The following FAM110B variants were observed in gnomAD, a reference collection of about 807,000 sequenced individuals.
The protein encoded by FAM110B is protein FAM110B.
FAM110B carries 6 observed loss-of-function variants against 20.4 expected under a neutral mutation model. The ratio of observed to expected loss-of-function variants is 0.29; its 90% CI spans 0.16 to 0.58. FAM110B has a LOEUF of 0.58. Ranked by LOEUF, FAM110B falls within the 20% of genes least tolerant of loss-of-function variation. The probability of loss-of-function intolerance (pLI) is 0.90; values close to 1 mark genes in which losing one functional copy is unlikely to be tolerated. For missense variants in FAM110B, 434 were observed against 498.2 expected, an observed-to-expected ratio of 0.87 and a Z score of 1.23; for synonymous variants, 226 against 214.1, an observed-to-expected ratio of 1.06 and a Z score of -0.49.
At chr8:58,028,143 G>A (rs1804888880) in intron 1 of FAM110B, among the ~76,000 whole-genome samples, 1 of 152,134 alleles carries the variant, frequency 6.6e-6, no homozygotes. Context: ...TGCTCTTGTT[G>A]CCCAGGCTGG....
intron 2 of FAM110B, among the ~76,000 whole-genome samples, chr8:58,068,819 G>A (rs2150589197): frequency 6.6e-6 from 1 of 152,244 alleles, no homozygotes; most frequent in African/African-American, 2.4e-5. Flanking sequence ...TCAGAACGGA[G>A]AGTTGCATTT....
intron 2 of FAM110B, among the ~76,000 whole-genome samples, chr8:58,049,767 G>T (rs991501693): frequency 6.6e-6 from 1 of 152,102 alleles, no homozygotes; most frequent in African/African-American, 2.4e-5. Flanking sequence ...TTTTATTTCA[G>T]AATATTTATA....
At chr8:58,103,455 G>C (rs1018868989) in intron 3 of FAM110B, among the ~76,000 whole-genome samples, 5 of 151,950 alleles carry the variant, frequency 3.3e-5, no homozygotes, top group African/African-American at 1.2e-4. Context: ...AGTTTACTGA[G>C]AATGATGATT....
intron 2 of FAM110B, among the ~76,000 whole-genome samples, chr8:58,064,405 T>A (rs983657930): frequency 3.3e-5 from 5 of 150,560 alleles, no homozygotes; most frequent in Admixed American, 6.6e-5. Context: ...TTTTTTTTTT[T>A]AATTTCAAAA....
At chr8:58,089,409 GT>G in intron 3 of FAM110B, among the ~76,000 whole-genome samples, 1 of 152,192 alleles carries the variant, frequency 6.6e-6, no homozygotes. Context: ...GGGTGCCTTG[GT>G]TTTGTGGGTT....
chr8:58,085,573 C>G (rs1286305758), intron 3 of FAM110B, among the ~76,000 whole-genome samples: 1 of 152,166 alleles, frequency 6.6e-6, no homozygotes, highest in African/African-American at 2.4e-5. Context: ...GACCATTGGC[C>G]TATGAGCCAG....
rs79544225 is a variant in FAM110B at position 58,065,450 on chromosome 8, G to A, written c.-413-10085G>A. Among the ~76,000 whole-genome samples, 1,019 of 152,270 alleles carry A rather than the reference G, an allele frequency of 6.7e-3. 13 individuals are homozygous for A. Among genetic ancestry groups the A allele is most frequent in the African/African-American group, 0.022 (911 of 41,552 alleles). ...TAAACACTTTCATAACCTAGAGGAT[G>A]CCTATTAACATCCGAAAACATGGTA... On this transcript the variant is annotated intron_variant, in intron 2 of 3. Coordinates refer to ENST00000519262, the MANE Select transcript of FAM110B (RefSeq NM_001377989.1).
At chr8:58,008,548 G>T (rs77954844) in intron 1 of FAM110B, among the ~76,000 whole-genome samples, 2,810 of 152,266 alleles carry the variant, frequency 0.018, 93 homozygotes, top group African/African-American at 0.06. Context: ...TGGGTAATTA[G>T]CATACCCAGC....
intron 2 of FAM110B, among the ~76,000 whole-genome samples, chr8:58,074,712 G>T (rs1002042764): frequency 1.3e-5 from 2 of 152,172 alleles, no homozygotes; most frequent in Admixed American, 1.3e-4. Flanking sequence ...GTGCTACAGT[G>T]CAGATGAACG....
intron 1 of FAM110B, among the ~76,000 whole-genome samples, chr8:58,001,408 G>A (rs779967941): frequency 1.3e-5 from 2 of 152,050 alleles, no homozygotes; most frequent in Non-Finnish European, 2.9e-5. Flanking sequence ...GGGGCCTAGT[G>A]TTCAGTATAC....
intron 1 of FAM110B, among the ~76,000 whole-genome samples, chr8:58,015,336 G>A (rs932810179): frequency 2.0e-5 from 3 of 151,638 alleles, no homozygotes; most frequent in East Asian, 1.9e-4. Flanking sequence ...CAGCCTGGAC[G>A]ACAGAGCAAA....
intron 2 of FAM110B, among the ~76,000 whole-genome samples, chr8:58,069,439 C>T (rs1240896238): frequency 1.3e-5 from 2 of 152,160 alleles, no homozygotes; most frequent in South Asian, 2.1e-4. Context: ...ACTGTAACCC[C>T]GGCAGTCTGG....
chr8:58,100,634 C>G (rs1806755762), intron 3 of FAM110B, among the ~76,000 whole-genome samples: 1 of 152,216 alleles, frequency 6.6e-6, no homozygotes, highest in South Asian at 2.1e-4. Flanking sequence ...CTGCCTTCAT[C>G]TTCACATAGT....
chr8:58,021,005 A>G (rs1804741234), intron 1 of FAM110B, among the ~76,000 whole-genome samples: 1 of 152,178 alleles, frequency 6.6e-6, no homozygotes, highest in South Asian at 2.1e-4. Flanking sequence ...ATTTTTTGCT[A>G]GGCCCATAGA....
At position 58,146,653 on chromosome 8, in the gene FAM110B, C is replaced by T. The variant is rs1281171052; in HGVS notation, c.423C>T (p.Ser141=). 1.2e-6 allele frequency: 2 copies of T among 1,612,994 alleles called. No homozygotes were observed. The highest frequency in any genetic ancestry group is 1.7e-5 in the Admixed American group (1 of 59,956). ...SSSGSGHKHS[S]RNWPPHRSEA... ...CGGGCTCGGGGCACAAGCACAGCTC[C>T]CGCAACTGGCCGCCCCACCGGTCGG... The change falls in exon 4 of 4, where the codon TCC becomes TCT. Residue 141 remains serine (S), a synonymous_variant. Transcript: ENST00000519262.
chr8:58,011,030 T>C (rs1019931715), intron 1 of FAM110B, among the ~76,000 whole-genome samples: 1 of 152,222 alleles, frequency 6.6e-6, no homozygotes, highest in Non-Finnish European at 1.5e-5. Flanking sequence ...GGTATCTGTT[T>C]GGCGGCATCC....
chr8:58,022,893 CAG>C (rs2150570098), intron 1 of FAM110B, among the ~76,000 whole-genome samples: 1 of 152,302 alleles, frequency 6.6e-6, no homozygotes, highest in Non-Finnish European at 1.5e-5. Context: ...GGCAGAAAAA[CAG>C]TGTGGGAAAG....
At chr8:58,145,704 G>T (rs556483266) in intron 3 of FAM110B, among the ~76,000 whole-genome samples, 29 of 152,376 alleles carry the variant, frequency 1.9e-4, no homozygotes, top group African/African-American at 6.7e-4. Context: ...CCGGCACAGC[G>T]TTGTGCTGCC....
chr8:58,110,694 C>T (rs1323596402), intron 3 of FAM110B, among the ~76,000 whole-genome samples: 1 of 152,124 alleles, frequency 6.6e-6, no homozygotes, highest in Non-Finnish European at 1.5e-5. Context: ...TCAACTATTA[C>T]ATTTCCTTTT....
Sources: gnomAD v4.1 joint callset for allele counts (sites outside exome capture counted in the v4.1 genomes callset) on GRCh38, gnomAD v4.1.1 for gene constraint, MANE v1.5 for transcripts, NCBI Gene and HGNC (gene_info 2026-07-23, HGNC 2026-07-21) for gene names.